The following NDEL1 variants were observed in gnomAD, a reference collection of about 807,000 sequenced individuals.
NDEL1 encodes nudE neurodevelopment protein 1 like 1.
In NDEL1, 9 loss-of-function variants were observed where a neutral mutation model predicts 45.7. That is an observed-to-expected ratio of 0.20 (90% confidence interval 0.12 to 0.34). NDEL1 has a LOEUF of 0.34. NDEL1 is among the 10% of genes least tolerant of loss of function. The pLI, the probability that NDEL1 is intolerant of heterozygous loss-of-function variation, is 1.00. For missense variants in NDEL1, 306 were observed against 406.2 expected, an observed-to-expected ratio of 0.75 and a Z score of 2.12; for synonymous variants, 133 against 158.6, an observed-to-expected ratio of 0.84 and a Z score of 1.21.
At position 8,446,777 on chromosome 17, in the gene NDEL1, A is replaced by C. The variant is rs1910111314; in HGVS notation, c.264A>C (p.Ala88=). The change falls in exon 4 of 9, where the codon GCA becomes GCC. Residue 88 remains alanine (A), a synonymous_variant. Transcript: ENST00000334527. ...AGGAGAAGCTAGAGCATCAATATGC[A>C]CAGAGCTATAAGCAGGTCTCAGTGT... ...ALKEKLEHQY[A]QSYKQVSVLE... The C allele has an allele frequency of 6.2e-7, 1 of 1,614,174 alleles. No individual in the cohort carries two copies. Among genetic ancestry groups the C allele is most frequent in the Non-Finnish European group, 8.5e-7 (1 of 1,180,030 alleles).
chr17:8,446,821 A>G lies in NDEL1; in HGVS notation c.308A>G (p.Gln103Arg). Residue 103 changes from glutamine to arginine, a missense_variant, in exon 4 of 9, where the codon CAG becomes CGG. Gln to Arg is a conservative substitution (Grantham distance 43). Coordinates refer to ENST00000334527, the MANE Select transcript of NDEL1 (RefSeq NM_030808.5). ...TCAGTGTTAGAAGATGATTTAAGTC[A>G]GACTCGGGCCATTAAGGAGCAGTTG... Reference protein sequence around the residue: ...QVSVLEDDLSQTRAIKEQLHK... With the variant: ...QVSVLEDDLSRTRAIKEQLHK... 1 of 1,614,236 alleles carries G rather than the reference A, an allele frequency of 6.2e-7. No homozygotes were observed. The highest frequency in any genetic ancestry group is 8.5e-7 in the Non-Finnish European group (1 of 1,180,042).
intron 1 of NDEL1, among the ~76,000 whole-genome samples, chr17:8,426,453 C>T (rs966371863): frequency 6.6e-6 from 1 of 152,120 alleles, no homozygotes; most frequent in Admixed American, 6.5e-5. Flanking sequence ...ATCATTTTTT[C>T]CCAGGGACAG....
At position 8,466,941 on chromosome 17, in the gene NDEL1, G is replaced by A; in HGVS notation, c.956G>A (p.Gly319Asp). The A allele has an allele frequency of 6.2e-7, 1 of 1,614,204 alleles. No individual in the cohort carries two copies. Among genetic ancestry groups the A allele is most frequent in the Admixed American group, 1.7e-5 (1 of 60,030 alleles). The change falls in exon 9 of 9, where the codon GGC (glycine) becomes GAC (aspartate). Residue 319 changes from glycine (G) to aspartate (D), a missense_variant. Physicochemically the swap from Gly to Asp is moderately conservative, Grantham distance 94. This residue lies in a region of NDEL1 where 175 missense variants were observed against 205.2 expected (regional missense o/e 0.85). Transcript: ENST00000334527. ...GGTTGCTCCCACAGGGCAGTAAACGGCTTTGACCCCGCTCCTCCTCCTCCT... is the reference window on the plus strand; with the variant it reads ...GGTTGCTCCCACAGGGCAGTAAACGACTTTGACCCCGCTCCTCCTCCTCCT... ...TSFFDKGAVN[G>D]FDPAPPPPGL...
chr17:8,422,813 T>C (rs887107099), intron 1 of NDEL1, among the ~76,000 whole-genome samples: 11 of 151,840 alleles, frequency 7.2e-5, no homozygotes, highest in African/African-American at 2.4e-4. Flanking sequence ...CTCGGCTCAC[T>C]GCAACCTCTG....
chr17:8,458,805 C>T (rs1043858675), intron 7 of NDEL1, among the ~76,000 whole-genome samples: 5 of 152,190 alleles, frequency 3.3e-5, no homozygotes, highest in Non-Finnish European at 7.3e-5. Flanking sequence ...AGGCTCACAG[C>T]AATCTCTGCT....
chr17:8,416,091 G>A (rs540798208), intron 1 of NDEL1, among the ~76,000 whole-genome samples: 2 of 152,148 alleles, frequency 1.3e-5, no homozygotes, highest in Admixed American at 6.5e-5. Context: ...CATTAAGTAC[G>A]TTCACATTGT....
chr17:8,472,651 C>A (rs371890120), downstream of NDEL1, among the ~76,000 whole-genome samples: 1 of 151,666 alleles, frequency 6.6e-6, no homozygotes, highest in Non-Finnish European at 1.5e-5. Context: ...AGACAGAGCG[C>A]GACTCTGTCT....
chr17:8,429,113 A>C (rs188941262), intron 1 of NDEL1, among the ~76,000 whole-genome samples: 7 of 152,350 alleles, frequency 4.6e-5, no homozygotes, highest in African/African-American at 1.4e-4. Context: ...TATGACCCAA[A>C]TCTTAGTTCC....
chr17:8,447,421 G>A (rs185007563), intron 4 of NDEL1, among the ~76,000 whole-genome samples: 2 of 152,252 alleles, frequency 1.3e-5, no homozygotes, highest in South Asian at 2.1e-4. Context: ...GGGATTATAG[G>A]CATGAGCCAC....
intron 7 of NDEL1, among the ~76,000 whole-genome samples, chr17:8,457,393 G>A (rs1298769747): frequency 1.3e-5 from 2 of 152,022 alleles, no homozygotes; most frequent in Non-Finnish European, 2.9e-5. Flanking sequence ...TTCAGAAGTG[G>A]TGCATGAAAG....
chr17:8,424,594 C>A (rs920715695), intron 1 of NDEL1, among the ~76,000 whole-genome samples: 1 of 152,202 alleles, frequency 6.6e-6, no homozygotes, highest in Non-Finnish European at 1.5e-5. Context: ...CACCGCCTCC[C>A]GGGTTCACGC....
At chr17:8,428,910 T>C (rs1291864404) in intron 1 of NDEL1, among the ~76,000 whole-genome samples, 2 of 151,906 alleles carry the variant, frequency 1.3e-5, no homozygotes, top group Non-Finnish European at 2.9e-5. Flanking sequence ...CCTGACCTTG[T>C]GATCTGCCTG....
intron 7 of NDEL1, among the ~76,000 whole-genome samples, chr17:8,459,275 G>C (rs1022899196): frequency 6.6e-5 from 10 of 152,126 alleles, no homozygotes; most frequent in African/African-American, 9.7e-5. Flanking sequence ...AGCTGGTGAA[G>C]TGTGAGTGTG....
At chr17:8,424,644 G>A (rs1318762780) in intron 1 of NDEL1, among the ~76,000 whole-genome samples, 1 of 152,204 alleles carries the variant, frequency 6.6e-6, no homozygotes, top group African/African-American at 2.4e-5. Flanking sequence ...TGGGACTACG[G>A]GCACCCGCCA....
Position 8,428,349 on chromosome 17 carries a change from TGTGTGTGTGTG to T in NDEL1, c.-13+15081_-13+15091del, listed in dbSNP as rs1251291662. Among the ~76,000 whole-genome samples the T allele has an allele frequency of 9.9e-3, 1,336 of 134,796 alleles. 65 individuals carry two copies. Among genetic ancestry groups the T allele is most frequent in the South Asian group, 0.026 (107 of 4,116 alleles). 88.4% of individuals were successfully genotyped at this position (134,796 alleles called of 152,430 possible). On this transcript the variant is annotated intron_variant, in intron 1 of 4. Coordinates refer to the NDEL1 transcript ENST00000582812. Reference sequence around the variant, plus strand: ...GTGTGTGTGTGTGTGTGTGTGTGTGTGTGTGTGTGTGTATTTTTTTTTTTTTTTTTTCCGAG... The same window carrying T: ...GTGTGTGTGTGTGTGTGTGTGTGTGTTATTTTTTTTTTTTTTTTTTCCGAG...
chr17:8,430,990 C>T (rs1386244338), upstream of NDEL1, among the ~76,000 whole-genome samples: 3 of 152,170 alleles, frequency 2.0e-5, no homozygotes, highest in Non-Finnish European at 4.4e-5. Flanking sequence ...CCAGGCAAAG[C>T]CCGTTCATTA....
chr17:8,459,983 A>T (rs781613528), intron 7 of NDEL1, 26 bp from the exon 8 acceptor site: 2 of 1,596,230 alleles, frequency 1.3e-6, no homozygotes, highest in African/African-American at 1.4e-5. Context: ...TTTGACAACC[A>T]TATCATTCCT....
chr17:8,426,726 G>C (rs17806986), intron 1 of NDEL1, among the ~76,000 whole-genome samples: 56,786 of 151,836 alleles, frequency 0.37, 10,818 homozygotes, highest in African/African-American at 0.41. Context: ...ATTAGGACCA[G>C]CCAGAGATTC....
chr17:8,428,880 A>G (rs370658406), intron 1 of NDEL1, among the ~76,000 whole-genome samples: 81 of 149,442 alleles, frequency 5.4e-4, no homozygotes, highest in Middle Eastern at 7.5e-3. Flanking sequence ...TCACCGTGTT[A>G]GCCAAGATGG....
Sources: allele counts gnomAD v4.1 joint callset (sites outside exome capture counted in the v4.1 genomes callset), GRCh38; gene constraint gnomAD v4.1.1; regional missense constraint gnomAD v4.1.1; transcripts MANE v1.5; gene names NCBI Gene and HGNC (gene_info 2026-07-23, HGNC 2026-07-21).